Variants in PPM1B observed in about 807,000 individuals in gnomAD.
The protein encoded by PPM1B is protein phosphatase, Mg2+/Mn2+ dependent 1B, also known as protein phosphatase 1B.
In PPM1B, 22 loss-of-function variants were observed where a neutral mutation model predicts 43.0. That is an observed-to-expected ratio of 0.51 (90% CI 0.37 to 0.73). The LOEUF is 0.73. Ranked by LOEUF, PPM1B falls within the 30% of genes least tolerant of loss-of-function variation. The pLI is 0.00. For synonymous variants in PPM1B, 217 were observed against 197.9 expected (o/e 1.10, Z -0.81); for missense variants, 632 against 584.2 (o/e 1.08, Z -0.84).
At chr2:44,243,954 A>G (rs538580219) in intron 5 of PPM1B, among the ~76,000 whole-genome samples, 2 of 152,256 alleles carry the variant, frequency 1.3e-5, no homozygotes, top group South Asian at 2.1e-4. Flanking sequence ...GGTGAGTTCC[A>G]CCAGGAAGAT....
At chr2:44,239,011 A>G (rs374674538), downstream of PPM1B, among the ~76,000 whole-genome samples, 18 of 151,968 alleles carry the variant, frequency 1.2e-4, no homozygotes, top group East Asian at 7.7e-4. Context: ...GGAGGAAAAC[A>G]AACAAAACAG....
chr2:44,239,019 C>A (rs115197892), downstream of PPM1B, among the ~76,000 whole-genome samples: 333 of 151,222 alleles, frequency 2.2e-3, no homozygotes, highest in African/African-American at 7.9e-3. Flanking sequence ...ACAAACAAAA[C>A]AGAAAATTGG....
chr2:44,202,250 AT>A (rs1668974114), intron 2 of PPM1B, among the ~76,000 whole-genome samples: 3 of 152,222 alleles, frequency 2.0e-5, no homozygotes, highest in Admixed American at 2.0e-4. Flanking sequence ...AGCTTGATAA[AT>A]TTGAGGCATT....
chr2:44,236,412 A>AAAAAAAAAAAAAAAAAAAAAAAAG, downstream of PPM1B, among the ~76,000 whole-genome samples: 1 of 147,726 alleles, frequency 6.8e-6, no homozygotes, highest in Non-Finnish European at 1.5e-5. Context: ...CAAAAAAAAA[A>AAAAAAAAAAAAAAAAAAAAAAAAG]AAAAAAAAAA....
At chr2:44,230,209 T>C (rs998089817) in intron 5 of PPM1B, 2 of 1,414,510 alleles carry the variant, frequency 1.4e-6, no homozygotes, top group Non-Finnish European at 1.8e-6. Flanking sequence ...TAGTTAATGG[T>C]AATTTGCTTA....
In PPM1B at chr2:44,199,310, AAAAAAAATAAAAAT is replaced by A. The variant is rs1227085173; in HGVS notation, c.-14-1868_-14-1855del. On this transcript the variant is annotated intron_variant, in intron 1 of 5. Coordinates refer to ENST00000282412, the MANE Select transcript of PPM1B (RefSeq NM_002706.6). ...GCACGTGCCTGTAGATCTCAAAAAA[AAAAAAAATAAAAAT>A]AAAAAAAAAAAAAATTGAGCCAGGT... Among the ~76,000 whole-genome samples the A allele has an allele frequency of 1.7e-3, 224 of 135,692 alleles. 3 individuals are homozygous for A. Among genetic ancestry groups the A allele is most frequent in the African/African-American group, 6.2e-3 (206 of 33,444 alleles). The allele number at this position is 135,692 out of a possible 152,430, so 89.0% of individuals were successfully genotyped here.
chr2:44,224,109 C>T (rs1670103629), intron 5 of PPM1B, among the ~76,000 whole-genome samples: 1 of 151,974 alleles, frequency 6.6e-6, no homozygotes, highest in African/African-American at 2.4e-5. Context: ...TCATAAGAAA[C>T]ATTTTTACTA....
At chr2:44,233,564 GC>G (rs1172288077), downstream of PPM1B, 44 of 985,788 alleles carry the variant, frequency 4.5e-5, no homozygotes, top group Non-Finnish European at 5.3e-5. Context: ...TGTTGTGGAT[GC>G]TTTGTAAACA....
intron 5 of PPM1B, among the ~76,000 whole-genome samples, chr2:44,220,710 C>G (rs185466575): frequency 2.6e-4 from 39 of 152,282 alleles, no homozygotes; most frequent in Admixed American, 1.7e-3. Flanking sequence ...AGCTTGGTAA[C>G]AAATAAATGA....
At chr2:44,192,488 TTAC>T (rs1449778086) in intron 1 of PPM1B, among the ~76,000 whole-genome samples, 5 of 152,324 alleles carry the variant, frequency 3.3e-5, no homozygotes, top group African/African-American at 1.2e-4. Flanking sequence ...AGTACTGGGA[TTAC>T]AGGTGTGAGT....
rs1668962952 is a variant in PPM1B at position 44,202,016 on chromosome 2, A to C, written c.817A>C (p.Asn273His). ...EVSDDLENVC[N>H]WVVDTCLHKG... ...ATCTGATGACCTGGAAAATGTGTGC[A>C]ATTGGGTAGTGGACACTTGTTTACA... The change falls in exon 2 of 6, where the codon AAT becomes CAT. Residue 273 changes from asparagine to histidine, a missense_variant. Transcript: ENST00000282412. The C allele has an allele frequency of 1.2e-6, 2 of 1,603,554 alleles. No homozygotes were observed. The highest frequency in any genetic ancestry group is 1.7e-6 in the Non-Finnish European group (2 of 1,174,638).
chr2:44,172,321 G>A (rs925047132), intron 1 of PPM1B, among the ~76,000 whole-genome samples: 1 of 152,176 alleles, frequency 6.6e-6, no homozygotes, highest in African/African-American at 2.4e-5. Context: ...CAGAATTGAT[G>A]GTTAAGTGTA....
chr2:44,208,027 T>TA (rs1669276269), intron 2 of PPM1B, among the ~76,000 whole-genome samples: 1 of 151,832 alleles, frequency 6.6e-6, no homozygotes. Flanking sequence ...TAGCTGGTAT[T>TA]ACAGGTGCGC....
intron 5 of PPM1B, among the ~76,000 whole-genome samples, chr2:44,241,707 G>C (rs1264562095): frequency 2.0e-5 from 3 of 151,426 alleles, no homozygotes; most frequent in Non-Finnish European, 4.4e-5. Flanking sequence ...ACTCCAGCTT[G>C]GATGACAGAG....
At chr2:44,216,915 A>AT (rs1669745667) in intron 3 of PPM1B, among the ~76,000 whole-genome samples, 1 of 151,236 alleles carries the variant, frequency 6.6e-6, no homozygotes, top group Admixed American at 6.6e-5. Context: ...AAAAAAAAAA[A>AT]GGGACATTCA....
chr2:44,235,847 T>G (rs371943139), downstream of PPM1B, among the ~76,000 whole-genome samples: 1 of 152,070 alleles, frequency 6.6e-6, no homozygotes, highest in South Asian at 2.1e-4. Flanking sequence ...TGCAGTGAGC[T>G]ATGATCCAGC....
intron 1 of PPM1B, among the ~76,000 whole-genome samples, chr2:44,173,655 C>T (rs751638889): frequency 3.3e-5 from 5 of 152,114 alleles, no homozygotes; most frequent in African/African-American, 9.7e-5. Context: ...TAATAATACT[C>T]TTCATGGCCG....
downstream of PPM1B, among the ~76,000 whole-genome samples, chr2:44,244,758 CTTT>C (rs753488539): frequency 2.9e-5 from 4 of 135,674 alleles, no homozygotes; most frequent in Non-Finnish European, 4.8e-5. Flanking sequence ...TATATTAGAC[CTTT>C]TTTTTTTTTT....
chr2:44,188,393 C>CTTTTTT (rs67959948), intron 1 of PPM1B, among the ~76,000 whole-genome samples: 7 of 92,304 alleles, frequency 7.6e-5, no homozygotes, highest in Admixed American at 1.2e-4. Flanking sequence ...TTCTTTCTTT[C>CTTTTTT]TTTTTTTTTT....
Sources: allele counts gnomAD v4.1 joint callset (sites outside exome capture counted in the v4.1 genomes callset), GRCh38; gene constraint gnomAD v4.1.1; transcripts MANE v1.5; gene names NCBI Gene and HGNC (gene_info 2026-07-23, HGNC 2026-07-21).